Variants in CMIP observed in about 807,000 individuals in gnomAD.
The protein encoded by CMIP is c-Maf inducing protein.
Under a neutral mutation model 97.3 loss-of-function variants are expected in CMIP, and 13 were observed. The ratio of observed to expected loss-of-function variants is 0.13; its 90% confidence interval spans 0.09 to 0.21. The LOEUF (loss-of-function observed/expected upper bound fraction) is 0.21. Among genes scored for constraint, CMIP ranks in the 10% least tolerant of loss-of-function variants. The pLI is 1.00. For synonymous variants in CMIP, 538 were observed against 436.3 expected (o/e 1.23, Z -2.91); for missense variants, 847 against 1,024.9 (o/e 0.83, Z 2.37).
chr16:81,699,998 G>C (rs916542160), intron 15 of CMIP, among the ~76,000 whole-genome samples, 197 bp downstream of exon 15: 34 of 152,198 alleles, frequency 2.2e-4, no homozygotes, highest in African/African-American at 7.5e-4. Flanking sequence ...TTGTGATCCA[G>C]CTGATCCATT....
intron 1 of CMIP, among the ~76,000 whole-genome samples, chr16:81,574,611 G>C (rs1030620328): frequency 1.3e-5 from 2 of 152,258 alleles, no homozygotes; most frequent in African/African-American, 4.8e-5. Flanking sequence ...GATTCTGTAA[G>C]AAAGAGCCTT....
chr16:81,555,543 A>G (rs34405634), intron 1 of CMIP, among the ~76,000 whole-genome samples: 40,102 of 152,138 alleles, frequency 0.26, 5,925 homozygotes, highest in African/African-American at 0.39. Context: ...AGCTCAGCAC[A>G]TACACTGTCC....
At chr16:81,471,440 G>C (rs1280545303) in intron 1 of CMIP, among the ~76,000 whole-genome samples, 2 of 152,054 alleles carry the variant, frequency 1.3e-5, no homozygotes, top group Non-Finnish European at 2.9e-5. Flanking sequence ...ACATACATTT[G>C]TACATGCATA....
chr16:81,609,181 TC>T (rs1005331786), intron 2 of CMIP, among the ~76,000 whole-genome samples: 16 of 73,500 alleles, frequency 2.2e-4, no homozygotes, highest in African/African-American at 7.4e-4. Context: ...ACACTGTCCC[TC>T]CCCCCCTCCC....
chr16:81,597,015 T>C (rs953407494), intron 1 of CMIP, among the ~76,000 whole-genome samples: 2 of 152,254 alleles, frequency 1.3e-5, no homozygotes, highest in African/African-American at 2.4e-5. Context: ...TTTAGGCTTC[T>C]GCTGAGTGGA....
At chr16:81,479,998 A>G (rs1181669637) in intron 1 of CMIP, among the ~76,000 whole-genome samples, 3 of 152,152 alleles carry the variant, frequency 2.0e-5, no homozygotes, top group African/African-American at 4.8e-5. Flanking sequence ...CTGGCCGCAC[A>G]ATGGGATCAC....
intron 1 of CMIP, among the ~76,000 whole-genome samples, chr16:81,556,897 C>T (rs998022428): frequency 7.2e-5 from 11 of 152,150 alleles, no homozygotes; most frequent in Non-Finnish European, 1.3e-4. Context: ...CTGAGGAAAG[C>T]GTAAACTGTC....
intron 1 of CMIP, among the ~76,000 whole-genome samples, chr16:81,578,215 CCAT>C (rs2091235188): frequency 6.6e-6 from 1 of 151,728 alleles, no homozygotes; most frequent in Non-Finnish European, 1.5e-5. Context: ...ATCATCACCA[CCAT>C]CATAACCATC....
In CMIP at chr16:81,481,940, G is replaced by C. The variant is rs185000300; in HGVS notation, c.300+36399G>C. 4.5e-3 allele frequency among the ~76,000 whole-genome samples: 673 copies of C among 150,266 alleles called. 3 individuals carry two copies. The highest frequency in any genetic ancestry group is 0.034 in the Middle Eastern group (10 of 294). On this transcript the variant is annotated intron_variant, in intron 1 of 20. Transcript: ENST00000537098. ...GTCACCCAGGCTGGAGTGCAGTGGC[G>C]CAATCTTGGCTCACTGCAACCTCTG...
intron 1 of CMIP, among the ~76,000 whole-genome samples, chr16:81,504,201 C>A (rs1312177381): frequency 1.3e-5 from 2 of 151,964 alleles, no homozygotes; most frequent in Non-Finnish European, 2.9e-5. Flanking sequence ...TCGTGGGCGC[C>A]AGTAATCCCA....
chr16:81,582,373 C>A (rs143951480), intron 1 of CMIP, among the ~76,000 whole-genome samples: 1 of 152,292 alleles, frequency 6.6e-6, no homozygotes, highest in Non-Finnish European at 1.5e-5. Flanking sequence ...CAAGGCAGTG[C>A]TTCTGAAAGC....
intron 1 of CMIP, among the ~76,000 whole-genome samples, chr16:81,551,307 C>G (rs1227319285): frequency 6.6e-6 from 1 of 152,218 alleles, no homozygotes; most frequent in Non-Finnish European, 1.5e-5. Flanking sequence ...AACCAAAAGC[C>G]AGGAAAATGG....
At chr16:81,669,950 C>G (rs570069306) in intron 7 of CMIP, among the ~76,000 whole-genome samples, 192 bp from the exon 8 acceptor site, 1 of 152,332 alleles carries the variant, frequency 6.6e-6, no homozygotes, top group Non-Finnish European at 1.5e-5. Context: ...AGTGGAAGCG[C>G]GGGTGTCGCA....
chr16:81,606,394 A>G (rs976490352), intron 1 of CMIP, among the ~76,000 whole-genome samples: 1 of 152,084 alleles, frequency 6.6e-6, no homozygotes, highest in African/African-American at 2.4e-5. Flanking sequence ...GCTGTGCTGC[A>G]CTCACCTGAT....
At chr16:81,445,901 G>A (rs1159448919) in intron 1 of CMIP, among the ~76,000 whole-genome samples, 2 of 150,576 alleles carry the variant, frequency 1.3e-5, no homozygotes, top group Non-Finnish European at 3.0e-5. Flanking sequence ...CTCTCTGGAA[G>A]CCCCTGGCCC....
At chr16:81,624,923 G>C (rs1037037543) in intron 3 of CMIP, among the ~76,000 whole-genome samples, 2 of 152,196 alleles carry the variant, frequency 1.3e-5, no homozygotes, top group Non-Finnish European at 2.9e-5. Flanking sequence ...GTTCACACAC[G>C]GTTGTAGCTC....
chr16:81,501,552 G>A (rs937958107), intron 1 of CMIP, among the ~76,000 whole-genome samples: 2 of 152,024 alleles, frequency 1.3e-5, no homozygotes, highest in African/African-American at 2.4e-5. Flanking sequence ...GGGGTCGGGG[G>A]CAGGATCTCA....
chr16:81,603,633 C>A (rs186735533), intron 1 of CMIP, among the ~76,000 whole-genome samples: 1 of 152,274 alleles, frequency 6.6e-6, no homozygotes, highest in Non-Finnish European at 1.5e-5. Flanking sequence ...TCCAGGATCC[C>A]CACAGTACCT....
At chr16:81,688,851 C>T (rs1255590886) in intron 10 of CMIP, among the ~76,000 whole-genome samples, 1 of 152,150 alleles carries the variant, frequency 6.6e-6, no homozygotes, top group African/African-American at 2.4e-5. Flanking sequence ...ATGTTCCCCA[C>T]CCCGTGGCCA....
Sources: allele counts gnomAD v4.1 joint callset (sites outside exome capture counted in the v4.1 genomes callset), GRCh38; gene constraint gnomAD v4.1.1; transcripts MANE v1.5; gene names NCBI Gene and HGNC (gene_info 2026-07-23, HGNC 2026-07-21).